The following DPYD variants were observed in gnomAD, a reference collection of about 807,000 sequenced individuals.
The protein encoded by DPYD is dihydropyrimidine dehydrogenase [NADP(+)].
A neutral mutation model predicts 116.2 loss-of-function variants in DPYD; 109 were observed. The ratio of observed to expected loss-of-function variants is 0.94; its 90% CI spans 0.80 to 1.10. DPYD has a LOEUF of 1.10. Among genes scored for constraint, DPYD ranks in the 50% least tolerant of loss-of-function variants. The probability of loss-of-function intolerance (pLI) is 0.00; values close to 1 mark genes in which losing one functional copy is unlikely to be tolerated. For missense variants in DPYD, 1,302 were observed against 1,254.5 expected (o/e 1.04, Z -0.57); for synonymous variants, 440 against 432.0 (o/e 1.02, Z -0.23).
intron 8 of DPYD, among the ~76,000 whole-genome samples, chr1:97,677,725 T>G (rs984921005): frequency 6.6e-6 from 1 of 152,144 alleles, no homozygotes; most frequent in Non-Finnish European, 1.5e-5. Context: ...ATTTAGGAGC[T>G]AGAAGACAGT....
At chr1:97,787,996 C>T (rs1199779912) in intron 3 of DPYD, among the ~76,000 whole-genome samples, 4 of 152,190 alleles carry the variant, frequency 2.6e-5, no homozygotes, top group Non-Finnish European at 4.4e-5. Flanking sequence ...GTGAAAACTA[C>T]TTTATTTGTA....
chr1:97,277,166 T>C (rs759871530), intron 18 of DPYD, among the ~76,000 whole-genome samples: 7 of 151,916 alleles, frequency 4.6e-5, no homozygotes, highest in Non-Finnish European at 8.8e-5. Flanking sequence ...TGGGTATACA[T>C]GGACATATAG....
intron 5 of DPYD, among the ~76,000 whole-genome samples, chr1:97,708,704 C>T (rs1183881075): frequency 6.6e-6 from 1 of 151,912 alleles, no homozygotes; most frequent in African/African-American, 2.4e-5. Context: ...TGGGATTGTA[C>T]TGAATCTATA....
At chr1:97,260,888 G>C (rs549675565) in intron 18 of DPYD, among the ~76,000 whole-genome samples, 1 of 152,232 alleles carries the variant, frequency 6.6e-6, no homozygotes, top group Admixed American at 6.6e-5. Flanking sequence ...GAGCAGGCAA[G>C]TTCCAGAAAG....
intron 14 of DPYD, among the ~76,000 whole-genome samples, chr1:97,439,829 A>G (rs1035570433): frequency 2.0e-5 from 3 of 150,792 alleles, no homozygotes; most frequent in African/African-American, 7.3e-5. Context: ...ACTTTTTTTC[A>G]TTTTGATACA....
intron 16 of DPYD, among the ~76,000 whole-genome samples, chr1:97,327,425 G>A (rs1668764413): frequency 6.6e-6 from 1 of 151,824 alleles, no homozygotes; most frequent in Admixed American, 6.6e-5. Context: ...TTTTTCAAAT[G>A]TTATTTTCCT....
intron 14 of DPYD, among the ~76,000 whole-genome samples, chr1:97,448,302 T>C (rs559676957): frequency 2.3e-4 from 35 of 152,204 alleles, no homozygotes; most frequent in Non-Finnish European, 4.7e-4. Flanking sequence ...AAAGCAAATT[T>C]CAAGTTCAAA....
At chr1:97,242,165 T>C (rs1393454108) in intron 18 of DPYD, among the ~76,000 whole-genome samples, 12 of 130,288 alleles carry the variant, frequency 9.2e-5, no homozygotes, top group African/African-American at 3.4e-4. Flanking sequence ...TATATATATA[T>C]ATATATCTTC....
At chr1:97,277,784 A>T (rs1665043784) in intron 18 of DPYD, among the ~76,000 whole-genome samples, 1 of 152,204 alleles carries the variant, frequency 6.6e-6, no homozygotes, top group African/African-American at 2.4e-5. Context: ...GCTACACAAC[A>T]GCCATGGTGC....
intron 16 of DPYD, among the ~76,000 whole-genome samples, chr1:97,344,788 C>T (rs1226550182): frequency 6.6e-6 from 1 of 151,860 alleles, no homozygotes; most frequent in Non-Finnish European, 1.5e-5. Flanking sequence ...ATGGTGCTAA[C>T]TTGAACTACA....
intron 18 of DPYD, among the ~76,000 whole-genome samples, chr1:97,289,806 C>T (rs1255727665): frequency 6.6e-6 from 1 of 151,076 alleles, no homozygotes; most frequent in African/African-American, 2.4e-5. Flanking sequence ...CTCGCCACTC[C>T]TATTCAACAT....
chr1:97,887,179 A>G (rs1672539393), intron 1 of DPYD, among the ~76,000 whole-genome samples: 1 of 151,974 alleles, frequency 6.6e-6, no homozygotes, highest in Non-Finnish European at 1.5e-5. Flanking sequence ...GTACATCCCT[A>G]AATAGTATAT....
At position 97,839,176 on chromosome 1, in the gene DPYD, G is replaced by A. The variant is rs572842435; in HGVS notation, c.151-10980C>T. Among the ~76,000 whole-genome samples, 9 of 152,156 alleles carry A rather than the reference G, an allele frequency of 5.9e-5. No individual in the cohort carries two copies. The South Asian group carries it at 1.9e-3, about 32-fold the overall frequency. Reference sequence around the variant, plus strand: ...ACTATTAACCTTCCTTCCTTTCACAGTATACTCCCCAATATATAAAGCATG... The same window carrying A: ...ACTATTAACCTTCCTTCCTTTCACAATATACTCCCCAATATATAAAGCATG... On this transcript the variant is annotated intron_variant, in intron 2 of 22. Transcript: ENST00000370192.
intron 12 of DPYD, among the ~76,000 whole-genome samples, chr1:97,525,922 A>C (rs950889719): frequency 1.4e-5 from 2 of 146,260 alleles, no homozygotes. Flanking sequence ...GTTTTAGGCC[A>C]GTCTCTCCAA....
intron 2 of DPYD, among the ~76,000 whole-genome samples, chr1:97,848,127 T>C (rs1670395498): frequency 6.6e-6 from 1 of 152,232 alleles, no homozygotes; most frequent in South Asian, 2.1e-4. Context: ...AGACGGAGTC[T>C]CGCTCTATCA....
chr1:97,305,307 A>G lies in DPYD; in HGVS notation c.2251T>C (p.Trp751Arg). Residue 751 changes from tryptophan to arginine, a missense_variant, in exon 18 of 23, where the codon TGG becomes CGG. By Grantham distance (101) the Trp-to-Arg change is moderately radical (BLOSUM62 -3). Coordinates refer to ENST00000370192, the MANE Select transcript of DPYD (RefSeq NM_000110.4). The part of the protein sequence containing the change: ...LMGLKSDGTP[W>R]PAVGIAKRTT... Reference sequence around the variant, plus strand: ...CGCTTTGCAATCCCCACTGCTGGCCAAGGTGTGCCATCAGATTTTAATCCC... The same window carrying G: ...CGCTTTGCAATCCCCACTGCTGGCCGAGGTGTGCCATCAGATTTTAATCCC... 1 of 1,612,532 alleles carries G rather than the reference A, an allele frequency of 6.2e-7. No individual in the cohort carries two copies. The highest frequency in any genetic ancestry group is 1.1e-5 in the South Asian group (1 of 91,058).
chr1:97,619,639 C>T (rs1237677777), intron 8 of DPYD, among the ~76,000 whole-genome samples: 1 of 152,096 alleles, frequency 6.6e-6, no homozygotes. Context: ...TACTGACTAG[C>T]ATAAAAATTC....
chr1:97,190,359 C>T (rs918244439), intron 20 of DPYD, among the ~76,000 whole-genome samples: 1 of 152,072 alleles, frequency 6.6e-6, no homozygotes, highest in Non-Finnish European at 1.5e-5. Context: ...TTTGGCAATG[C>T]AGATTTTTGG....
chr1:97,507,139 C>G (rs1647399666), intron 13 of DPYD, among the ~76,000 whole-genome samples: 1 of 151,850 alleles, frequency 6.6e-6, no homozygotes. Context: ...TGAACTGTAG[C>G]CATTTAATAA....
Sources: allele counts gnomAD v4.1 joint callset (sites outside exome capture counted in the v4.1 genomes callset), GRCh38; gene constraint gnomAD v4.1.1; transcripts MANE v1.5; gene names NCBI Gene and HGNC (gene_info 2026-07-23, HGNC 2026-07-21).